The following FGF14 variants were observed in gnomAD, a reference collection of about 807,000 sequenced individuals.
FGF14 encodes the protein fibroblast growth factor homologous factor 4.
In FGF14, 5 loss-of-function variants were observed where a neutral mutation model predicts 25.5. That is an observed-to-expected ratio of 0.20 (90% CI 0.10 to 0.41). FGF14 has a LOEUF of 0.41. Among genes scored for constraint, FGF14 ranks in the 10% least tolerant of loss-of-function variants. The probability of loss-of-function intolerance (pLI) is 1.00; values close to 1 mark genes in which losing one functional copy is unlikely to be tolerated. For synonymous variants in FGF14, 138 were observed against 118.3 expected (o/e 1.17, Z -1.08); for missense variants, 222 against 320.1 (o/e 0.69, Z 2.34).
intron 1 of FGF14, among the ~76,000 whole-genome samples, chr13:102,279,787 A>G (rs1485601961): frequency 2.6e-5 from 4 of 152,236 alleles, no homozygotes; most frequent in Non-Finnish European, 2.9e-5. Context: ...CTAACCATTA[A>G]CATCTTGTTC....
At chr13:102,292,291 A>C (rs2054455952) in intron 1 of FGF14, 1 of 150,856 alleles carries the variant, frequency 6.6e-6, no homozygotes, top group Non-Finnish European at 1.5e-5. Context: ...AAAAAAAAAA[A>C]AAAAAAAAAA....
intron 1 of FGF14, among the ~76,000 whole-genome samples, chr13:102,317,452 A>G (rs1191622213): frequency 6.6e-6 from 1 of 152,104 alleles, no homozygotes; most frequent in African/African-American, 2.4e-5. Flanking sequence ...ATTTACACAC[A>G]TTGAAGGAGT....
At chr13:102,161,641 AAGAAGAAGAAG>A (rs2047724690) in intron 1 of FGF14, among the ~76,000 whole-genome samples, 2 of 14,692 alleles carry the variant, frequency 1.4e-4, no homozygotes, top group South Asian at 3.4e-3. Flanking sequence ...GAAGAAGAAG[AAGAAGAAGAAG>A]AAGAAGAAGA....
intron 3 of FGF14, among the ~76,000 whole-genome samples, chr13:101,757,770 G>C (rs1249875662): frequency 6.6e-6 from 1 of 152,158 alleles, no homozygotes; most frequent in Non-Finnish European, 1.5e-5. Flanking sequence ...GCGTGTCAAA[G>C]ATGAAGAGAT....
At chr13:101,839,882 G>A (rs1407787) in intron 3 of FGF14, among the ~76,000 whole-genome samples, 65,803 of 151,730 alleles carry the variant, frequency 0.43, 14,854 homozygotes, top group African/African-American at 0.48. Context: ...CTTTCTGCCT[G>A]CAGAAATAAG....
At chr13:102,098,061 TG>T (rs2044487570) in intron 1 of FGF14, among the ~76,000 whole-genome samples, 1 of 152,210 alleles carries the variant, frequency 6.6e-6, no homozygotes, top group Non-Finnish European at 1.5e-5. Flanking sequence ...CCTCTTCAGG[TG>T]TAGACTGAGT....
At chr13:101,778,256 C>T (rs7999380) in intron 3 of FGF14, among the ~76,000 whole-genome samples, 62,256 of 152,052 alleles carry the variant, frequency 0.41, 14,382 homozygotes, top group Non-Finnish European at 0.52. Context: ...CGAAATCTCA[C>T]GTACATTCTT....
rs542544148 is a variant in FGF14, at chr13:102,390,752, T to C, written c.208+10719A>G. Among the ~76,000 whole-genome samples the C allele has an allele frequency of 4.0e-4, 61 of 152,334 alleles. No individual in the cohort carries two copies. In the South Asian group the frequency reaches 0.012, roughly 31 times the overall value. Reference sequence around the variant, plus strand: ...AAGATTAGTTGTTATCAACTAATAATAACACAGGATTCAAAATAATTCAGA... The same window carrying C: ...AAGATTAGTTGTTATCAACTAATAACAACACAGGATTCAAAATAATTCAGA... On this transcript the variant is annotated intron_variant, in intron 1 of 4. Coordinates refer to the FGF14 transcript ENST00000376131.
At chr13:102,004,399 G>C (rs1300037387) in intron 1 of FGF14, among the ~76,000 whole-genome samples, 2 of 152,060 alleles carry the variant, frequency 1.3e-5, no homozygotes, top group African/African-American at 2.4e-5. Flanking sequence ...ATAGACCAAG[G>C]GATGGCATAT....
intron 1 of FGF14, among the ~76,000 whole-genome samples, chr13:102,165,711 GC>G (rs1250205234): frequency 6.7e-6 from 1 of 148,944 alleles, no homozygotes; most frequent in Non-Finnish European, 1.5e-5. Flanking sequence ...TATACCTAAT[GC>G]TAAATGACGA....
intron 1 of FGF14, among the ~76,000 whole-genome samples, chr13:102,173,555 C>G (rs968898079): frequency 3.2e-4 from 49 of 152,246 alleles, no homozygotes; most frequent in African/African-American, 1.1e-3. Flanking sequence ...TGATTCTCAA[C>G]AGCCAAGATG....
chr13:102,366,488 G>A (rs1040115935), intron 1 of FGF14: 1 of 151,934 alleles, frequency 6.6e-6, no homozygotes, highest in African/African-American at 2.4e-5. Flanking sequence ...TGAAGCCTGC[G>A]ACCTGCACGT....
intron 1 of FGF14, among the ~76,000 whole-genome samples, chr13:102,082,966 G>GAA (rs200324400): frequency 0.011 from 1,652 of 151,862 alleles, 26 homozygotes; most frequent in African/African-American, 0.038. Flanking sequence ...TCAAAAAAAA[G>GAA]AAAAAAAGAG....
intron 1 of FGF14, among the ~76,000 whole-genome samples, chr13:101,924,171 A>G (rs906489717): frequency 6.6e-6 from 1 of 152,148 alleles, no homozygotes; most frequent in African/African-American, 2.4e-5. Flanking sequence ...GAGAAAGGAA[A>G]GTTCATTTAT....
chr13:102,053,953 A>C (rs543965894), intron 1 of FGF14, among the ~76,000 whole-genome samples: 1 of 152,284 alleles, frequency 6.6e-6, no homozygotes, highest in South Asian at 2.1e-4. Flanking sequence ...TCACTCAACT[A>C]GTTTTAAATC....
intron 1 of FGF14, among the ~76,000 whole-genome samples, chr13:102,059,796 A>G (rs976019590): frequency 6.6e-6 from 1 of 152,066 alleles, no homozygotes; most frequent in Non-Finnish European, 1.5e-5. Context: ...GGTTGCAGCG[A>G]GCCGAGATCG....
rs1566914293 is a variant in FGF14 at position 101,797,774 on chromosome 13, T to TGTGTGTGTGTGC, written c.408+70950_408+70951insGCACACACACAC. Among the ~76,000 whole-genome samples the TGTGTGTGTGTGC allele has an allele frequency of 4.9e-3, 719 of 147,414 alleles. 8 individuals carry two copies. Among genetic ancestry groups the TGTGTGTGTGTGC allele is most frequent in the African/African-American group, 0.017 (686 of 39,362 alleles). On this transcript the variant is annotated intron_variant, in intron 3 of 4. Transcript: ENST00000376143. ...GTGTGTGTGTGTGTGTGTGTGTGTG[T>TGTGTGTGTGTGC]GTGTGTGTTCAACCTCAGTAGAAAC...
intron 1 of FGF14, among the ~76,000 whole-genome samples, chr13:102,192,535 T>C (rs1566800912): frequency 1.3e-5 from 2 of 152,160 alleles, no homozygotes; most frequent in Admixed American, 6.5e-5. Context: ...AATTTCTTCT[T>C]CAACTTCTCT....
chr13:101,909,094 G>C (rs1019880740), intron 1 of FGF14, among the ~76,000 whole-genome samples: 2 of 152,154 alleles, frequency 1.3e-5, no homozygotes, highest in Admixed American at 1.3e-4. Context: ...ATTAATTCAA[G>C]ATGGATTAAA....
Sources: gnomAD v4.1 joint callset for allele counts (sites outside exome capture counted in the v4.1 genomes callset) on GRCh38, gnomAD v4.1.1 for gene constraint, MANE v1.5 for transcripts, NCBI Gene and HGNC (gene_info 2026-07-23, HGNC 2026-07-21) for gene names.